The following AKT3 variants were observed in gnomAD, a reference collection of about 807,000 sequenced individuals.
AKT3 encodes the protein RAC-gamma serine/threonine-protein kinase.
AKT3 carries 15 observed loss-of-function variants against 65.3 expected under a neutral mutation model. The ratio of observed to expected loss-of-function variants is 0.23; its 90% confidence interval spans 0.15 to 0.35. The LOEUF (loss-of-function observed/expected upper bound fraction) is 0.35, where lower values mean the gene tolerates loss of function less well. Ranked by LOEUF, AKT3 falls within the 10% of genes least tolerant of loss-of-function variation. The probability of loss-of-function intolerance (pLI) is 1.00; values close to 1 mark genes in which losing one functional copy is unlikely to be tolerated. For missense variants in AKT3, 243 were observed against 576.5 expected (o/e 0.42, Z 5.92); for synonymous variants, 206 against 183.8 (o/e 1.12, Z -0.98).
chr1:243,827,693 G>A (rs905675023), intron 2 of AKT3, among the ~76,000 whole-genome samples: 4 of 152,136 alleles, frequency 2.6e-5, no homozygotes, highest in African/African-American at 4.8e-5. Context: ...ATGTATGTAC[G>A]TACTTGTCGC....
chr1:243,501,029 T>A lies in AKT3; in HGVS notation c.*4220A>T, dbSNP rs1558567697. On this transcript the variant is annotated 3_prime_UTR_variant, in exon 14 of 14. Transcript: ENST00000673466. ...GGTCACTTTTTTTTAGCCTCCTGGA[T>A]CTGTCAACCCCAGTGGTTTTGAGAG... The A allele has an allele frequency of 4.3e-6, 1 of 230,120 alleles. No individual in the cohort carries two copies. The highest frequency in any genetic ancestry group is 5.7e-5 in the Admixed American group (1 of 17,672). The allele number at this position is 230,120 out of a possible 1,614,324, so 14.3% of individuals were successfully genotyped here.
At chr1:243,823,118 G>A (rs537696650) in intron 2 of AKT3, among the ~76,000 whole-genome samples, 1 of 152,026 alleles carries the variant, frequency 6.6e-6, no homozygotes, top group Non-Finnish European at 1.5e-5. Flanking sequence ...TGCAATGCTG[G>A]TTCAACATAT....
intron 12 of AKT3, among the ~76,000 whole-genome samples, chr1:243,527,787 G>A (rs2148403857): frequency 6.7e-6 from 1 of 149,608 alleles, no homozygotes; most frequent in South Asian, 2.1e-4. Context: ...GATCCCTTAA[G>A]GCCAGGAATT....
intron 12 of AKT3, among the ~76,000 whole-genome samples, chr1:243,534,936 AT>A (rs1671792369): frequency 6.6e-6 from 1 of 151,966 alleles, no homozygotes; most frequent in South Asian, 2.1e-4. Context: ...AAAAGAGAAA[AT>A]TAAATCCAAA....
At chr1:243,647,732 C>T (rs1680947459) in intron 4 of AKT3, among the ~76,000 whole-genome samples, 1 of 152,120 alleles carries the variant, frequency 6.6e-6, no homozygotes, top group Non-Finnish European at 1.5e-5. Context: ...AATCCGTATG[C>T]TTTTTACATC....
At position 243,808,698 on chromosome 1, in the gene AKT3, C is replaced by A. The variant is rs548940945; in HGVS notation, c.46+34427G>T. On this transcript the variant is annotated intron_variant, in intron 2 of 13. Coordinates refer to ENST00000673466, the MANE Select transcript of AKT3 (RefSeq NM_005465.7). Reference sequence around the variant, plus strand: ...CAGAAAACGCCACAAAGATACTCCTCAAGAAGAGCAACTCCAAGACACATA... The same window carrying A: ...CAGAAAACGCCACAAAGATACTCCTAAAGAAGAGCAACTCCAAGACACATA... Among the ~76,000 whole-genome samples, 3 of 152,188 alleles carry A rather than the reference C, an allele frequency of 2.0e-5. No homozygotes were observed. In the East Asian group the frequency reaches 5.8e-4, roughly 29 times the overall value.
At chr1:243,795,479 T>G (rs1363836605) in intron 2 of AKT3, among the ~76,000 whole-genome samples, 5 of 132,978 alleles carry the variant, frequency 3.8e-5, no homozygotes, top group Admixed American at 2.3e-4. Context: ...TTTTTTGGTT[T>G]TTTTTTTTTT....
intron 4 of AKT3, among the ~76,000 whole-genome samples, chr1:243,649,782 A>G (rs1344502452): frequency 2.0e-5 from 3 of 152,076 alleles, no homozygotes; most frequent in Non-Finnish European, 4.4e-5. Context: ...CATGGTGTAT[A>G]TGTACCACAC....
At chr1:243,626,387 C>A (rs1679164090) in intron 6 of AKT3, among the ~76,000 whole-genome samples, 1 of 152,190 alleles carries the variant, frequency 6.6e-6, no homozygotes, top group South Asian at 2.1e-4. Flanking sequence ...GTTAGGTTTA[C>A]CAATGGGAGC....
intron 8 of AKT3, among the ~76,000 whole-genome samples, chr1:243,604,639 C>G (rs776361773): frequency 6.6e-6 from 1 of 152,144 alleles, no homozygotes; most frequent in Non-Finnish European, 1.5e-5. Context: ...GCACCCTTTG[C>G]TTTCCTTTCC....
At chr1:243,615,007 G>A (rs943951960) in intron 7 of AKT3, 89 bp downstream of exon 7, 27 of 934,066 alleles carry the variant, frequency 2.9e-5, no homozygotes, top group Non-Finnish European at 4.5e-5. Flanking sequence ...ATATCTAAAT[G>A]AATAGTATTT....
intron 8 of AKT3, among the ~76,000 whole-genome samples, chr1:243,601,205 T>C (rs1195009239): frequency 1.3e-5 from 2 of 152,080 alleles, no homozygotes; most frequent in Non-Finnish European, 2.9e-5. Flanking sequence ...AATATATATA[T>C]GATAAAGCCC....
At chr1:243,801,148 C>T (rs1692357003) in intron 2 of AKT3, among the ~76,000 whole-genome samples, 2 of 152,106 alleles carry the variant, frequency 1.3e-5, no homozygotes, top group Non-Finnish European at 2.9e-5. Context: ...GAGCTACTAG[C>T]TTTTTAAAAT....
chr1:243,849,671 G>A (rs570748707), intron 1 of AKT3, among the ~76,000 whole-genome samples: 42 of 151,768 alleles, frequency 2.8e-4, no homozygotes, highest in African/African-American at 8.7e-4. Flanking sequence ...CGAGGGGAAG[G>A]AGCGAGAGTT....
chr1:243,703,838 G>C lies in AKT3; in HGVS notation c.47-8122C>G, dbSNP rs376651454. On this transcript the variant is annotated intron_variant, in intron 2 of 13. Coordinates refer to ENST00000673466, the MANE Select transcript of AKT3 (RefSeq NM_005465.7). ...ATTATCTACATTGCAATAAACTAGC[G>C]TAAGTTTTCAACTGCACAGGGACAA... is the stretch of plus-strand genomic sequence containing the variant. 3.3e-5 allele frequency among the ~76,000 whole-genome samples: 5 copies of C among 151,604 alleles called. No individual in the cohort carries two copies. The East Asian group carries it at 7.8e-4, about 24-fold the overall frequency.
At chr1:243,642,851 A>C (rs1289881032) in intron 5 of AKT3, among the ~76,000 whole-genome samples, 1 of 152,230 alleles carries the variant, frequency 6.6e-6, no homozygotes, top group Non-Finnish European at 1.5e-5. Flanking sequence ...ATTAGATTAA[A>C]AATAAACATA....
At chr1:243,714,461 A>G (rs185298554) in intron 2 of AKT3, among the ~76,000 whole-genome samples, 24 of 152,300 alleles carry the variant, frequency 1.6e-4, no homozygotes, top group Admixed American at 1.4e-3. Flanking sequence ...ATAGCTGTTG[A>G]TAAGATTTCT....
At chr1:243,779,589 C>T (rs1177437401) in intron 2 of AKT3, among the ~76,000 whole-genome samples, 5 of 151,718 alleles carry the variant, frequency 3.3e-5, no homozygotes, top group African/African-American at 9.7e-5. Context: ...AAATACAAAA[C>T]CTAAATGATT....
chr1:243,787,552 G>C (rs1691347218), intron 2 of AKT3, among the ~76,000 whole-genome samples: 1 of 152,148 alleles, frequency 6.6e-6, no homozygotes, highest in South Asian at 2.1e-4. Flanking sequence ...ACTACATAGG[G>C]TATTCAGAGC....
Sources: allele counts gnomAD v4.1 joint callset (sites outside exome capture counted in the v4.1 genomes callset), GRCh38; gene constraint gnomAD v4.1.1; transcripts MANE v1.5; gene names NCBI Gene and HGNC (gene_info 2026-07-23, HGNC 2026-07-21).